The following SLC41A2 variants were observed in gnomAD, a reference collection of about 807,000 sequenced individuals.
The protein encoded by SLC41A2 is solute carrier family 41 member 2.
Under a neutral mutation model 58.3 loss-of-function variants are expected in SLC41A2, and 32 were observed. That is an observed-to-expected ratio of 0.55 (90% CI 0.41 to 0.74). The LOEUF is 0.74. Among genes scored for constraint, SLC41A2 ranks in the 30% least tolerant of loss-of-function variants. SLC41A2 has a pLI of 0.00. For synonymous variants in SLC41A2, 190 were observed against 235.0 expected, an observed-to-expected ratio of 0.81 and a Z score of 1.75; for missense variants, 514 against 680.6, an observed-to-expected ratio of 0.76 and a Z score of 2.72.
intron 8 of SLC41A2, among the ~76,000 whole-genome samples, chr12:104,851,668 T>C (rs2042805483): frequency 6.6e-6 from 1 of 152,178 alleles, no homozygotes; most frequent in African/African-American, 2.4e-5. Context: ...GATTCAGGCA[T>C]GAGCCACCAA....
chr12:104,921,542 G>T (rs535542361), intron 2 of SLC41A2, among the ~76,000 whole-genome samples: 1 of 149,082 alleles, frequency 6.7e-6, no homozygotes, highest in Admixed American at 6.7e-5. Flanking sequence ...ACTATAACCA[G>T]CAAAGCTATC....
chr12:104,855,136 CT>C (rs1467427847), intron 8 of SLC41A2, among the ~76,000 whole-genome samples: 1 of 152,168 alleles, frequency 6.6e-6, no homozygotes, highest in African/African-American at 2.4e-5. Flanking sequence ...CATTCTAATT[CT>C]TTTCTTTTCA....
At chr12:104,809,661 G>C (rs2041086504) in intron 10 of SLC41A2, among the ~76,000 whole-genome samples, 1 of 152,190 alleles carries the variant, frequency 6.6e-6, no homozygotes, top group Non-Finnish European at 1.5e-5. Flanking sequence ...TTGATTTTCA[G>C]TTCTGCCTTT....
chr12:104,874,771 AG>A (rs1434795280), intron 6 of SLC41A2, among the ~76,000 whole-genome samples: 3 of 152,242 alleles, frequency 2.0e-5, no homozygotes, highest in Non-Finnish European at 2.9e-5. Flanking sequence ...ATTTGAAATC[AG>A]GAAGTGTGAT....
At chr12:104,887,386 A>G (rs1369445999) in intron 5 of SLC41A2, among the ~76,000 whole-genome samples, 1 of 151,896 alleles carries the variant, frequency 6.6e-6, no homozygotes, top group African/African-American at 2.4e-5. Flanking sequence ...CTAAAGTCAC[A>G]TAGCTTGTGA....
intron 10 of SLC41A2, among the ~76,000 whole-genome samples, chr12:104,841,154 A>T (rs894742055): frequency 3.3e-5 from 5 of 152,110 alleles, no homozygotes. Context: ...CTTCCCCAGA[A>T]ATCAAGTTAT....
chr12:104,864,943 G>A (rs1262793346), intron 7 of SLC41A2, among the ~76,000 whole-genome samples: 1 of 151,770 alleles, frequency 6.6e-6, no homozygotes, highest in Non-Finnish European at 1.5e-5. Context: ...TTATGTTAGA[G>A]GCCTTTATGA....
intron 2 of SLC41A2, among the ~76,000 whole-genome samples, chr12:104,920,055 A>G (rs1465662842): frequency 6.6e-6 from 1 of 152,156 alleles, no homozygotes; most frequent in East Asian, 1.9e-4. Context: ...CTCCAGCACC[A>G]TTTGCTGAAA....
At chr12:104,899,052 C>A (rs2045434631) in intron 3 of SLC41A2, among the ~76,000 whole-genome samples, 1 of 152,170 alleles carries the variant, frequency 6.6e-6, no homozygotes, top group Non-Finnish European at 1.5e-5. Flanking sequence ...CCTACTGTTA[C>A]TAGATTAGTT....
chr12:104,887,480 A>G (rs1391888033), intron 5 of SLC41A2, among the ~76,000 whole-genome samples: 1 of 151,876 alleles, frequency 6.6e-6, no homozygotes, highest in Non-Finnish European at 1.5e-5. Flanking sequence ...ACAGTGCCTT[A>G]TATTTTAGTA....
rs1456561741 is a variant in SLC41A2, at chr12:104,957,407, C to T, written c.-168+681G>A. 2.0e-5 allele frequency among the ~76,000 whole-genome samples: 3 copies of T among 151,940 alleles called. No homozygotes were observed. In the East Asian group the frequency reaches 5.8e-4, roughly 29 times the overall value. ...AATGAGGAGTGATTACTAAGAGAGA[C>T]AGGGTTTCTTTTGGGGATGATGATC... On this transcript the variant is annotated intron_variant, in intron 1 of 10. Coordinates refer to ENST00000258538, the MANE Select transcript of SLC41A2 (RefSeq NM_001352171.3).
intron 4 of SLC41A2, 85 bp from the exon 5 acceptor site, chr12:104,889,262 A>ATTGAC: frequency 7.6e-7 from 1 of 1,324,010 alleles, no homozygotes; most frequent in Non-Finnish European, 1.0e-6. Flanking sequence ...TTACTACAAA[A>ATTGAC]AGTCAAAAAA....
At chr12:104,893,771 A>G (rs1215013994) in intron 4 of SLC41A2, among the ~76,000 whole-genome samples, 2 of 152,210 alleles carry the variant, frequency 1.3e-5, no homozygotes, top group African/African-American at 2.4e-5. Flanking sequence ...CAAACATTGG[A>G]TGTTCTCACT....
At chr12:104,957,549 AGAT>A (rs2048213895) in intron 1 of SLC41A2, among the ~76,000 whole-genome samples, 1 of 152,274 alleles carries the variant, frequency 6.6e-6, no homozygotes, top group African/African-American at 2.4e-5. Flanking sequence ...TACAAAAAAA[AGAT>A]GACATATATA....
chr12:104,832,123 A>T (rs1054260755), intron 10 of SLC41A2, among the ~76,000 whole-genome samples: 3 of 152,180 alleles, frequency 2.0e-5, no homozygotes, highest in African/African-American at 7.2e-5. Flanking sequence ...GAAGCAGATG[A>T]TCCATGGGAA....
At chr12:104,919,151 T>A (rs983749542) in intron 2 of SLC41A2, among the ~76,000 whole-genome samples, 36 of 152,362 alleles carry the variant, frequency 2.4e-4, no homozygotes, top group African/African-American at 8.7e-4. Flanking sequence ...TCTCTGGAGA[T>A]TCATCTAGGT....
chr12:104,847,011 C>T (rs1184076317), intron 8 of SLC41A2, among the ~76,000 whole-genome samples: 1 of 151,840 alleles, frequency 6.6e-6, no homozygotes, highest in African/African-American at 2.4e-5. Context: ...GAATATAAAC[C>T]ATTGAAGGAG....
rs754097360 is a variant in SLC41A2 at position 104,889,183 on chromosome 12, A to AT, written c.736-7dup. 6.3e-7 allele frequency: 1 copy of AT among 1,599,256 alleles called. No individual in the cohort carries two copies. Among genetic ancestry groups the AT allele is most frequent in the Non-Finnish European group, 8.5e-7 (1 of 1,176,304 alleles). On this transcript the variant is annotated splice_polypyrimidine_tract_variant and splice_region_variant and intron_variant, in intron 4 of 10. Coordinates refer to ENST00000258538, the MANE Select transcript of SLC41A2 (RefSeq NM_001352171.3). ...CCCACTACTGTTGCCTGAACCTAAA[A>AT]TTTTTTTCATAAATCCAACTGAATT... is the stretch of plus-strand genomic sequence containing the variant.
intron 10 of SLC41A2, among the ~76,000 whole-genome samples, chr12:104,825,291 G>A (rs1200191342): frequency 6.6e-6 from 1 of 152,112 alleles, no homozygotes; most frequent in Non-Finnish European, 1.5e-5. Context: ...CCTGCAGCAG[G>A]CAAAAGCCAA....
Sources: allele counts gnomAD v4.1 joint callset (sites outside exome capture counted in the v4.1 genomes callset), GRCh38; gene constraint gnomAD v4.1.1; transcripts MANE v1.5; gene names NCBI Gene and HGNC (gene_info 2026-07-23, HGNC 2026-07-21).